Variants in GRAMD1B observed in about 807,000 individuals in gnomAD.
GRAMD1B encodes GRAM domain containing 1B.
GRAMD1B carries 37 observed loss-of-function variants against 99.7 expected under a neutral mutation model. That is an observed-to-expected ratio of 0.37 (90% CI 0.29 to 0.49). The LOEUF (loss-of-function observed/expected upper bound fraction) is 0.49, where lower values mean the gene tolerates loss of function less well. Among genes scored for constraint, GRAMD1B ranks in the 20% least tolerant of loss-of-function variants. The probability of loss-of-function intolerance (pLI) is 0.98; values close to 1 mark genes in which losing one functional copy is unlikely to be tolerated. For synonymous variants in GRAMD1B, 427 were observed against 387.6 expected (o/e 1.10, Z -1.19); for missense variants, 888 against 1,009.2 (o/e 0.88, Z 1.63).
At chr11:123,547,278 A>G (rs558007308) in intron 2 of GRAMD1B, among the ~76,000 whole-genome samples, 1 of 152,342 alleles carries the variant, frequency 6.6e-6, no homozygotes, top group Admixed American at 6.5e-5. Flanking sequence ...ATAGAAGCAG[A>G]TGGATGTCCC....
Position 123,610,177 on chromosome 11 carries a change from G to A in GRAMD1B, c.1777-19G>A. The A allele has an allele frequency of 6.2e-7, 1 of 1,613,492 alleles. No homozygotes were observed. The highest frequency in any genetic ancestry group is 1.3e-5 in the African/African-American group (1 of 75,022). ...TTGCTCCTCTTCAGTTTTGTCCAAT[G>A]GACCTTTCCTGCCCGCAGACCATGT... is the stretch of plus-strand genomic sequence containing the variant. On this transcript the variant is annotated intron_variant, in intron 13 of 19. Coordinates refer to ENST00000635736, the MANE Select transcript of GRAMD1B (RefSeq NM_001387025.1). This position sits in a 1 kb window ranked among gnomAD's most constrained non-coding sequence, Gnocchi z 4.1.
At chr11:123,515,597 T>C (rs1007522888) in intron 2 of GRAMD1B, among the ~76,000 whole-genome samples, 1 of 152,130 alleles carries the variant, frequency 6.6e-6, no homozygotes, top group Non-Finnish European at 1.5e-5. Flanking sequence ...AACTTCTGGA[T>C]TTTGTGGAGA....
intron 1 of GRAMD1B, among the ~76,000 whole-genome samples, chr11:123,374,878 T>C (rs965957164): frequency 1.3e-5 from 2 of 152,140 alleles, no homozygotes; most frequent in Non-Finnish European, 2.9e-5. Context: ...AAAAGCAAAG[T>C]AGTCACAGAG....
chr11:123,592,591 G>A (rs1432813639), intron 4 of GRAMD1B, among the ~76,000 whole-genome samples: 3 of 152,176 alleles, frequency 2.0e-5, no homozygotes, highest in Admixed American at 6.5e-5. Context: ...GGTTTTCAGT[G>A]TGTGGACTCT....
Position 123,515,909 on chromosome 11 carries a change from A to G in GRAMD1B, c.452+35016A>G, listed in dbSNP as rs7947431. ...CAGCCTCCCATGTAGCTGGGACCAC[A>G]GGTGGGCAACACCACGCCGGGCTAA... On this transcript the variant is annotated intron_variant, in intron 2 of 19. Coordinates refer to ENST00000635736, the MANE Select transcript of GRAMD1B (RefSeq NM_001387025.1). Among the ~76,000 whole-genome samples the G allele has an allele frequency of 3.8e-3, 573 of 152,164 alleles. 3 individuals carry two copies. The highest frequency in any genetic ancestry group is 0.013 in the African/African-American group (551 of 41,508).
intron 1 of GRAMD1B, among the ~76,000 whole-genome samples, chr11:123,434,685 G>A (rs781185842): frequency 6.6e-6 from 1 of 152,174 alleles, no homozygotes; most frequent in Non-Finnish European, 1.5e-5. Flanking sequence ...CTACTCAGGA[G>A]GCTGAGGCAT....
chr11:123,586,481 T>A (rs895037283), intron 4 of GRAMD1B, among the ~76,000 whole-genome samples: 1 of 152,184 alleles, frequency 6.6e-6, no homozygotes, highest in Non-Finnish European at 1.5e-5. Context: ...CACAAGGGGC[T>A]CTTTGCTGAG....
intron 1 of GRAMD1B, among the ~76,000 whole-genome samples, chr11:123,383,325 G>C (rs538617142): frequency 1.6e-3 from 243 of 152,118 alleles, no homozygotes; most frequent in Non-Finnish European, 2.6e-3. Flanking sequence ...AAGTACATGG[G>C]CTATGGAGCT....
chr11:123,410,806 T>C (rs1355937002), intron 1 of GRAMD1B, among the ~76,000 whole-genome samples: 1 of 152,054 alleles, frequency 6.6e-6, no homozygotes, highest in Non-Finnish European at 1.5e-5. Flanking sequence ...AGACATGAGA[T>C]CAGGCCCACA....
chr11:123,491,321 C>T (rs117550899), intron 2 of GRAMD1B, among the ~76,000 whole-genome samples: 5,855 of 152,134 alleles, frequency 0.038, 143 homozygotes, highest in Non-Finnish European at 0.053. Context: ...AAATATGTCC[C>T]CAGTAGCATA....
At chr11:123,599,617 C>T (rs547019549) in intron 7 of GRAMD1B, among the ~76,000 whole-genome samples, 2 of 152,168 alleles carry the variant, frequency 1.3e-5, no homozygotes, top group Non-Finnish European at 2.9e-5. Flanking sequence ...AGATTACAGG[C>T]ACTCACCACC....
At chr11:123,590,519 G>T (rs554054040) in intron 4 of GRAMD1B, among the ~76,000 whole-genome samples, 91 of 152,342 alleles carry the variant, frequency 6.0e-4, no homozygotes, top group African/African-American at 2.1e-3. Flanking sequence ...GAGGACATTG[G>T]CCGGGACCAT....
intron 1 of GRAMD1B, among the ~76,000 whole-genome samples, chr11:123,449,878 T>C (rs1008664622): frequency 2.0e-5 from 3 of 151,994 alleles, no homozygotes. Context: ...TGTGCCACTA[T>C]GCTCGGCTAG....
chr11:123,449,444 T>C (rs1949781390), intron 1 of GRAMD1B, among the ~76,000 whole-genome samples: 1 of 152,240 alleles, frequency 6.6e-6, no homozygotes, highest in Non-Finnish European at 1.5e-5. Context: ...CTCTTGAAGC[T>C]GAATAATTAC....
At chr11:123,438,392 G>A (rs1012780861) in intron 1 of GRAMD1B, among the ~76,000 whole-genome samples, 2 of 152,100 alleles carry the variant, frequency 1.3e-5, no homozygotes, top group Non-Finnish European at 2.9e-5. Context: ...TTGTAGATGT[G>A]GAGGGGGAGG....
chr11:123,567,661 C>T (rs989414098), intron 2 of GRAMD1B, among the ~76,000 whole-genome samples: 1 of 152,172 alleles, frequency 6.6e-6, no homozygotes, highest in African/African-American at 2.4e-5. Flanking sequence ...CATGCCTGTT[C>T]CTGGATTGAA....
chr11:123,530,111 G>T (rs1943200270), intron 2 of GRAMD1B, among the ~76,000 whole-genome samples: 1 of 152,190 alleles, frequency 6.6e-6, no homozygotes, highest in Non-Finnish European at 1.5e-5. Context: ...GGGTGAGTGA[G>T]CAGTCTTGCT....
intron 1 of GRAMD1B, among the ~76,000 whole-genome samples, chr11:123,388,055 G>A (rs1330069623): frequency 9.3e-5 from 14 of 150,036 alleles, no homozygotes; most frequent in Non-Finnish European, 2.9e-5. Flanking sequence ...GAACCCAGGA[G>A]GCAGAGGTTG....
chr11:123,360,494 C>G (rs1946101717), intron 1 of GRAMD1B, among the ~76,000 whole-genome samples: 1 of 152,164 alleles, frequency 6.6e-6, no homozygotes, highest in Admixed American at 6.5e-5. Context: ...TTCAAGAGAT[C>G]CAGGTCTCAA....
Sources: allele counts gnomAD v4.1 joint callset (sites outside exome capture counted in the v4.1 genomes callset), GRCh38; gene constraint gnomAD v4.1.1; non-coding constraint Gnocchi (gnomAD v3.1); transcripts MANE v1.5; gene names NCBI Gene and HGNC (gene_info 2026-07-23, HGNC 2026-07-21).